RALGPS1: variants seen among roughly 807,000 people sequenced by gnomAD.
RALGPS1 encodes Ral GEF with PH domain and SH3 binding motif 1.
Under a neutral mutation model 78.8 loss-of-function variants are expected in RALGPS1, and 19 were observed. That is an observed-to-expected ratio of 0.24 (90% CI 0.17 to 0.35). The LOEUF is 0.35. Ranked by LOEUF, RALGPS1 falls within the 10% of genes least tolerant of loss-of-function variation. RALGPS1 has a pLI of 1.00. For synonymous variants in RALGPS1, 228 were observed against 256.3 expected, an observed-to-expected ratio of 0.89 and a Z score of 1.06; for missense variants, 454 against 688.3, an observed-to-expected ratio of 0.66 and a Z score of 3.81.
Position 126,932,155 on chromosome 9 carries a change from CTCCCTG to C in RALGPS1, c.-66+17184_-66+17189del. ...TGTGAACTTGAGAGAGGCACTTAGT[CTCCCTG>C]TCCTCATCTTGAAAAGGGATTGTGG... On this transcript the variant is annotated intron_variant, in intron 1 of 18. Coordinates refer to ENST00000259351, the MANE Select transcript of RALGPS1 (RefSeq NM_014636.3). 1.3e-5 allele frequency among the ~76,000 whole-genome samples: 2 copies of C among 152,290 alleles called. 1 individual carries two copies. The highest frequency in any genetic ancestry group is 4.1e-4 in the South Asian group (2 of 4,824).
chr9:126,916,697 C>G (rs575479715), intron 1 of RALGPS1, among the ~76,000 whole-genome samples: 2 of 152,122 alleles, frequency 1.3e-5, no homozygotes, highest in Non-Finnish European at 2.9e-5. Flanking sequence ...CCGAGAATTG[C>G]TTGAACGTGG....
chr9:127,038,022 T>G (rs1589147068), intron 5 of RALGPS1, among the ~76,000 whole-genome samples: 1 of 152,176 alleles, frequency 6.6e-6, no homozygotes, highest in East Asian at 1.9e-4. Flanking sequence ...AGACAGATAG[T>G]TATCATAGAC....
At chr9:127,062,755 GCA>G (rs1483008516) in intron 7 of RALGPS1, among the ~76,000 whole-genome samples, 1 of 152,152 alleles carries the variant, frequency 6.6e-6, no homozygotes, top group Non-Finnish European at 1.5e-5. Flanking sequence ...CAGCTAGCCA[GCA>G]CACCACTAAA....
At chr9:127,165,925 A>G (rs1487576810) in intron 8 of RALGPS1, 144 bp from the exon 9 acceptor site, 4 of 1,259,586 alleles carry the variant, frequency 3.2e-6, no homozygotes, top group Non-Finnish European at 4.2e-6. Flanking sequence ...ATTAGTAATC[A>G]GGATTGGAAT....
chr9:127,139,627 G>A (rs569652820), intron 8 of RALGPS1, among the ~76,000 whole-genome samples: 8 of 152,244 alleles, frequency 5.3e-5, no homozygotes, highest in Non-Finnish European at 1.0e-4. Flanking sequence ...CCCTGGGCCA[G>A]TGGAGGTCCA....
intron 4 of RALGPS1, among the ~76,000 whole-genome samples, chr9:126,988,972 G>A (rs1011916327): frequency 1.3e-5 from 2 of 152,146 alleles, no homozygotes; most frequent in Non-Finnish European, 1.5e-5. Context: ...CCGATGGCCT[G>A]AAAAAAGGCT....
intron 1 of RALGPS1, among the ~76,000 whole-genome samples, chr9:126,954,296 C>T (rs546916141): frequency 2.0e-5 from 3 of 152,318 alleles, no homozygotes; most frequent in Admixed American, 2.0e-4. Flanking sequence ...GCATGCAGTC[C>T]ATCAGTAAGT....
intron 8 of RALGPS1, among the ~76,000 whole-genome samples, chr9:127,116,365 G>A (rs1215616720): frequency 2.0e-5 from 3 of 151,988 alleles, no homozygotes; most frequent in African/African-American, 4.8e-5. Context: ...TGCCTTTTCC[G>A]GGGGACAAGG....
chr9:127,110,873 T>C (rs564473030), intron 8 of RALGPS1, among the ~76,000 whole-genome samples: 24 of 152,314 alleles, frequency 1.6e-4, no homozygotes, highest in Admixed American at 1.5e-3. Context: ...ACCTGGACTA[T>C]TGGAGTAATT....
chr9:126,928,056 T>A (rs1022302062), intron 1 of RALGPS1, among the ~76,000 whole-genome samples: 1 of 152,138 alleles, frequency 6.6e-6, no homozygotes, highest in African/African-American at 2.4e-5. Context: ...TATCCTAAAT[T>A]GGTAAAAGTG....
intron 11 of RALGPS1, among the ~76,000 whole-genome samples, chr9:127,187,366 A>G (rs1330303861): frequency 6.6e-6 from 1 of 152,080 alleles, no homozygotes; most frequent in African/African-American, 2.4e-5. Flanking sequence ...CTGAACAGCT[A>G]GCCTTCCTCC....
chr9:127,142,197 G>A (rs1332978216), intron 8 of RALGPS1, among the ~76,000 whole-genome samples: 1 of 152,346 alleles, frequency 6.6e-6, no homozygotes, highest in African/African-American at 2.4e-5. Flanking sequence ...ATGCCTCTAA[G>A]AGGGCATTAG....
At chr9:126,919,743 T>C (rs1057028440) in intron 1 of RALGPS1, among the ~76,000 whole-genome samples, 1 of 152,222 alleles carries the variant, frequency 6.6e-6, no homozygotes, top group Non-Finnish European at 1.5e-5. Context: ...TGTGAGCAGA[T>C]ATTTACTGGA....
At chr9:127,164,374 T>C (rs774601619) in intron 8 of RALGPS1, among the ~76,000 whole-genome samples, 5 of 151,434 alleles carry the variant, frequency 3.3e-5, no homozygotes, top group Admixed American at 2.0e-4. Context: ...TAGCTGGGAT[T>C]ACAGGCGCCC....
At chr9:127,177,180 A>ATGGGTGAG (rs2059928024) in intron 11 of RALGPS1, among the ~76,000 whole-genome samples, 1 of 140,424 alleles carries the variant, frequency 7.1e-6, no homozygotes, top group African/African-American at 2.5e-5. Flanking sequence ...AGAGGGATGG[A>ATGGGTGAG]TGGGTGAGTG....
chr9:127,168,888 C>T (rs1406316512), intron 10 of RALGPS1, 116 bp downstream of exon 10: 7 of 776,384 alleles, frequency 9.0e-6, no homozygotes, highest in Admixed American at 2.1e-5. Context: ...ACCTGCAGGG[C>T]TTATCAGAGT....
At position 127,122,818 on chromosome 9, in the gene RALGPS1, C is replaced by G. The variant is rs771348050; in HGVS notation, c.611-43251C>G. ...AGGCGGGCCGCCCGGTGATGTCACA[C>G]GAGCTCCGGCCCCAGCTGGCCTGGC... On this transcript the variant is annotated intron_variant, in intron 8 of 18. Coordinates refer to ENST00000259351, the MANE Select transcript of RALGPS1 (RefSeq NM_014636.3). The surrounding 1 kb of genome is among the most constrained non-coding windows in gnomAD (Gnocchi z 6.4). 3 of 152,426 alleles carry G rather than the reference C, an allele frequency of 2.0e-5. No homozygotes were observed. Among genetic ancestry groups the G allele is most frequent in the African/African-American group, 7.2e-5 (3 of 41,468 alleles). The allele number at this position is 152,426 out of a possible 1,614,324, so 9.4% of individuals were successfully genotyped here. A position where few individuals can be genotyped will look rare whatever the true frequency, so the allele number is the denominator to read the frequency against.
chr9:127,064,914 CTTGTT>C (rs1174779143), intron 7 of RALGPS1, among the ~76,000 whole-genome samples: 3 of 150,310 alleles, frequency 2.0e-5, no homozygotes, highest in Admixed American at 6.6e-5. Context: ...TTGTTTTGTT[CTTGTT>C]TTGTTTTGGT....
intron 1 of RALGPS1, among the ~76,000 whole-genome samples, chr9:126,938,515 G>A (rs1158695201): frequency 6.6e-6 from 1 of 152,180 alleles, no homozygotes; most frequent in Admixed American, 6.5e-5. Context: ...CATGTTGGTA[G>A]GCAGAAAGGC....
Sources: allele counts gnomAD v4.1 joint callset (sites outside exome capture counted in the v4.1 genomes callset), GRCh38; gene constraint gnomAD v4.1.1; non-coding constraint Gnocchi (gnomAD v3.1); transcripts MANE v1.5; gene names NCBI Gene and HGNC (gene_info 2026-07-23, HGNC 2026-07-21).